The following PRKN variants were observed in gnomAD, a reference collection of about 807,000 sequenced individuals.
The protein encoded by PRKN is parkin RBR E3 ubiquitin protein ligase.
A neutral mutation model predicts 59.5 loss-of-function variants in PRKN; 56 were observed. That is an observed-to-expected ratio of 0.94 (90% CI 0.76 to 1.18). The LOEUF (loss-of-function observed/expected upper bound fraction) is 1.18, where lower values mean the gene tolerates loss of function less well. Ranked by LOEUF, PRKN falls within the 50% of genes most tolerant of loss-of-function variation. The probability of loss-of-function intolerance (pLI) is 0.00; values close to 1 mark genes in which losing one functional copy is unlikely to be tolerated. For synonymous variants in PRKN, 250 were observed against 222.1 expected (o/e 1.13, Z -1.12); for missense variants, 657 against 596.4 (o/e 1.10, Z -1.06).
At chr6:161,978,900 A>G (rs1270966065) in intron 5 of PRKN, among the ~76,000 whole-genome samples, 2 of 152,236 alleles carry the variant, frequency 1.3e-5, no homozygotes, top group Non-Finnish European at 2.9e-5. Context: ...TGTCCTCTTC[A>G]TCAGGAAGCC....
chr6:162,142,873 C>T (rs1390116215), intron 4 of PRKN, among the ~76,000 whole-genome samples: 2 of 152,160 alleles, frequency 1.3e-5, no homozygotes, highest in African/African-American at 4.8e-5. Flanking sequence ...ATGATAAATA[C>T]TACTAGTCTG....
At chr6:161,712,337 G>A (rs1478799011) in intron 7 of PRKN, among the ~76,000 whole-genome samples, 1 of 151,974 alleles carries the variant, frequency 6.6e-6, no homozygotes, top group Non-Finnish European at 1.5e-5. Flanking sequence ...ATGAAATGTG[G>A]GCAGGAAGCT....
intron 6 of PRKN, among the ~76,000 whole-genome samples, chr6:161,911,587 C>CA (rs541524704): frequency 3.2e-4 from 49 of 151,956 alleles, no homozygotes; most frequent in African/African-American, 9.7e-4. Flanking sequence ...AAAAACATTG[C>CA]AAAAAAATCT....
In PRKN at chr6:161,388,239, C is replaced by T. The variant is rs187263030; in HGVS notation, c.1084-1362G>A. 6.6e-5 allele frequency among the ~76,000 whole-genome samples: 10 copies of T among 152,304 alleles called. No homozygotes were observed. The highest frequency in any genetic ancestry group is 3.9e-4 in the East Asian group (2 of 5,180). On this transcript the variant is annotated intron_variant, in intron 9 of 11. Coordinates refer to ENST00000366898, the MANE Select transcript of PRKN (RefSeq NM_004562.3). The surrounding 1 kb of genome is among the most constrained non-coding windows in gnomAD (Gnocchi z 4.3). ...CACCTTGGAAATGCTAGGATAACAG[C>T]GATAGCTTTCTCATATGACCCCTGG...
chr6:162,475,594 T>TGA (rs934716808), intron 1 of PRKN, among the ~76,000 whole-genome samples: 1 of 141,194 alleles, frequency 7.1e-6, no homozygotes, highest in African/African-American at 2.6e-5. Context: ...AGTGTGTGTG[T>TGA]GTTTGCATGA....
Position 161,472,193 on chromosome 6 carries a change from T to A in PRKN, c.1083+76661A>T, listed in dbSNP as rs529875396. Among the ~76,000 whole-genome samples the A allele has an allele frequency of 5.3e-5, 8 of 151,798 alleles. No individual in the cohort carries two copies. The East Asian group carries it at 1.6e-3, about 29-fold the overall frequency. On this transcript the variant is annotated intron_variant, in intron 9 of 11. Coordinates refer to ENST00000366898, the MANE Select transcript of PRKN (RefSeq NM_004562.3). ...AGTACCCCAGGACAACAGAGGGAGG[T>A]TGATTTTAGCTAGATATAAAGAAAA...
At position 161,371,029 on chromosome 6, in the gene PRKN, C is replaced by A. The variant is rs1785423613; in HGVS notation, c.1168-10824G>T. Among the ~76,000 whole-genome samples the A allele has an allele frequency of 6.6e-6, 1 of 152,178 alleles. No individual in the cohort carries two copies. Among genetic ancestry groups the A allele is most frequent in the Non-Finnish European group, 1.5e-5 (1 of 68,034 alleles). ...GCTGGTGAGTAAGAAAATGGCATCA[C>A]TTTTCAGGGGCCTTGAGCTAGTCAA... On this transcript the variant is annotated intron_variant, in intron 10 of 11. Transcript: ENST00000366898. The surrounding 1 kb of genome is among the most constrained non-coding windows in gnomAD (Gnocchi z 5.5).
At chr6:161,494,654 G>T (rs923281429) in intron 9 of PRKN, among the ~76,000 whole-genome samples, 4 of 152,324 alleles carry the variant, frequency 2.6e-5, no homozygotes, top group Middle Eastern at 3.4e-3. Context: ...CTGATACTGT[G>T]TGAGAGCTTT....
intron 7 of PRKN, among the ~76,000 whole-genome samples, chr6:161,637,911 G>A (rs568389534): frequency 1.1e-4 from 16 of 152,220 alleles, no homozygotes; most frequent in Non-Finnish European, 7.3e-5. Context: ...CTGGGGCAAA[G>A]GTCTTGATCC....
At chr6:162,586,800 C>T (rs181610613) in intron 1 of PRKN, among the ~76,000 whole-genome samples, 1 of 152,074 alleles carries the variant, frequency 6.6e-6, no homozygotes, top group Non-Finnish European at 1.5e-5. Context: ...ATAAATTAGG[C>T]CAAAAGATAT....
At chr6:162,442,435 C>T (rs1286187234) in intron 2 of PRKN, among the ~76,000 whole-genome samples, 1 of 152,200 alleles carries the variant, frequency 6.6e-6, no homozygotes, top group Non-Finnish European at 1.5e-5. Context: ...TTCTTGCATT[C>T]ACAAAGAATA....
At chr6:161,626,881 C>T (rs1783111170) in intron 7 of PRKN, among the ~76,000 whole-genome samples, 2 of 152,162 alleles carry the variant, frequency 1.3e-5, no homozygotes, top group South Asian at 4.2e-4. Context: ...CTCCCCCCAC[C>T]ACCCAGAGCA....
chr6:162,394,070 A>T (rs991499539), intron 2 of PRKN, among the ~76,000 whole-genome samples: 5 of 152,214 alleles, frequency 3.3e-5, no homozygotes, highest in Non-Finnish European at 2.9e-5. Flanking sequence ...CACTGTAGTA[A>T]CTTATAATCT....
chr6:162,247,407 A>G, intron 3 of PRKN, among the ~76,000 whole-genome samples: 1 of 152,196 alleles, frequency 6.6e-6, no homozygotes, highest in East Asian at 1.9e-4. Flanking sequence ...TTGAGAGAAC[A>G]CAGCAAGTTG....
intron 4 of PRKN, among the ~76,000 whole-genome samples, chr6:162,181,616 C>T (rs4708943): frequency 0.55 from 83,588 of 151,942 alleles, 23,461 homozygotes; most frequent in Non-Finnish European, 0.62. Context: ...ACATGGTACA[C>T]CTGAGATACA....
At chr6:162,400,116 A>G (rs920242812) in intron 2 of PRKN, among the ~76,000 whole-genome samples, 21 of 152,234 alleles carry the variant, frequency 1.4e-4, no homozygotes, top group Admixed American at 1.2e-3. Context: ...CTGAGGCAGG[A>G]GAATTGCTTG....
intron 2 of PRKN, among the ~76,000 whole-genome samples, chr6:162,433,185 C>A (rs1789618579): frequency 6.6e-6 from 1 of 152,156 alleles, no homozygotes; most frequent in African/African-American, 2.4e-5. Context: ...TTAAAATTTG[C>A]TTATGTGTCA....
At chr6:162,569,639 A>G in intron 1 of PRKN, 1 of 698,036 alleles carries the variant, frequency 1.4e-6, no homozygotes, top group Non-Finnish European at 2.7e-6. Flanking sequence ...CTTCAGCTGC[A>G]CCAGCTCCAC....
chr6:162,621,097 C>T (rs1378625448), intron 1 of PRKN, among the ~76,000 whole-genome samples: 1 of 22,472 alleles, frequency 4.4e-5, no homozygotes, highest in African/African-American at 2.4e-4. Context: ...CAAGATATCT[C>T]CACATATCCA....
Sources: allele counts gnomAD v4.1 joint callset (sites outside exome capture counted in the v4.1 genomes callset), GRCh38; gene constraint gnomAD v4.1.1; non-coding constraint Gnocchi (gnomAD v3.1); transcripts MANE v1.5; gene names NCBI Gene and HGNC (gene_info 2026-07-23, HGNC 2026-07-21).